Variants in PTCH1 observed in about 807,000 individuals in gnomAD.
PTCH1 encodes the protein patched 1, also known as protein patched homolog 1.
In PTCH1, 14 loss-of-function variants were observed where a neutral mutation model predicts 144.6. The observed-to-expected ratio is 0.10, with a 90% confidence interval of 0.06 to 0.15. The LOEUF is 0.15. Among genes scored for constraint, PTCH1 ranks in the 10% least tolerant of loss-of-function variants. PTCH1 has a pLI of 1.00. For synonymous variants in PTCH1, 833 were observed against 793.6 expected (o/e 1.05, Z -0.83); for missense variants, 1,623 against 1,948.3 (o/e 0.83, Z 3.14).
At chr9:95,478,651 T>C (rs185970025) in intron 8 of PTCH1, among the ~76,000 whole-genome samples, 19 of 152,204 alleles carry the variant, frequency 1.2e-4, no homozygotes, top group Non-Finnish European at 1.9e-4. Context: ...TCCTGTCACA[T>C]GACCTGACCA....
chr9:95,496,911 A>G (rs896930006), intron 2 of PTCH1, among the ~76,000 whole-genome samples: 1 of 151,914 alleles, frequency 6.6e-6, no homozygotes, highest in Non-Finnish European at 1.5e-5. Flanking sequence ...GTAAAGGAGC[A>G]GAGGAAATCA....
At chr9:95,506,896 G>A (rs894061131) in intron 1 of PTCH1, 13 of 1,128,478 alleles carry the variant, frequency 1.2e-5, no homozygotes, top group Non-Finnish European at 1.4e-5. Flanking sequence ...AGGAAGCCGA[G>A]GTAGAGAGGA....
chr9:95,450,613 G>A (rs1316730318), intron 20 of PTCH1: 1 of 154,274 alleles, frequency 6.5e-6, no homozygotes, highest in African/African-American at 2.4e-5. Context: ...CAAAGAAAAT[G>A]CTGCCCATTC....
intron 2 of PTCH1, among the ~76,000 whole-genome samples, chr9:95,504,882 T>A (rs189993996): frequency 6.6e-6 from 1 of 152,178 alleles, no homozygotes; most frequent in African/African-American, 2.4e-5. Flanking sequence ...TCTCTTATGG[T>A]GCTTAACACA....
chr9:95,457,949 G>T, intron 18 of PTCH1, 64 bp downstream of exon 18: 1 of 1,600,530 alleles, frequency 6.2e-7, no homozygotes, highest in Non-Finnish European at 8.6e-7. Context: ...AAAACTTCCC[G>T]GCTGCAGAAA....
intron 2 of PTCH1, among the ~76,000 whole-genome samples, chr9:95,491,245 T>A (rs925059558): frequency 6.6e-6 from 1 of 152,162 alleles, no homozygotes; most frequent in African/African-American, 2.4e-5. Context: ...TGCTCCTCCA[T>A]CAAGCTGGGG....
intron 8 of PTCH1, among the ~76,000 whole-genome samples, chr9:95,478,753 C>T (rs781705204): frequency 2.6e-4 from 40 of 152,124 alleles, no homozygotes; most frequent in Admixed American, 5.9e-4. Context: ...CTGTTATGTG[C>T]TTTAGTTCTG....
chr9:95,444,103 A>C lies in PTCH1; in HGVS notation c.*2290T>G, dbSNP rs941901121. On this transcript the variant is annotated 3_prime_UTR_variant, in exon 24 of 24. Coordinates refer to ENST00000331920, the MANE Select transcript of PTCH1 (RefSeq NM_000264.5). ...GATACAAAATTATAAATATCAGCAA[A>C]GTTTTTTTTTTTTTAAAAATTAAAA... 1 of 151,602 alleles carries C rather than the reference A, an allele frequency of 6.6e-6. No homozygotes were observed. The highest frequency in any genetic ancestry group is 6.6e-5 in the Admixed American group (1 of 15,246). 9.4% of individuals were successfully genotyped at this position (151,602 alleles called of 1,614,324 possible). A position where few individuals can be genotyped will look rare whatever the true frequency, so the allele number is the denominator to read the frequency against.
intron 2 of PTCH1, among the ~76,000 whole-genome samples, chr9:95,488,064 G>T (rs1341946117): frequency 6.6e-6 from 1 of 152,166 alleles, no homozygotes; most frequent in African/African-American, 2.4e-5. Context: ...CAAAGTTTGT[G>T]CTGCTAAGAA....
intron 2 of PTCH1, among the ~76,000 whole-genome samples, chr9:95,505,079 T>TA (rs1461241289): frequency 1.3e-5 from 2 of 152,230 alleles, no homozygotes; most frequent in African/African-American, 4.8e-5. Flanking sequence ...TGTTTTGTCT[T>TA]AATTATGTAG....
In PTCH1 at chr9:95,514,676, C is replaced by A. The variant is rs537184029; in HGVS notation, c.3+1793G>T. 4.0e-4 allele frequency among the ~76,000 whole-genome samples: 60 copies of A among 150,930 alleles called. No homozygotes were observed. The East Asian group carries it at 0.012, about 29-fold the overall frequency. ...AGAGAGAGAGGAATGAGGATAAAAA[C>A]GGGAGACATATTTTAATCCACATTG... is the stretch of plus-strand genomic sequence containing the variant. On this transcript the variant is annotated intron_variant, in intron 1 of 22. Coordinates refer to the PTCH1 transcript ENST00000430669.
In PTCH1 at chr9:95,485,717, C is replaced by A. The variant is rs369893129; in HGVS notation, c.552G>T (p.Gln184His). Residue 184 changes from glutamine to histidine, a missense_variant, in exon 3 of 24, where the codon CAG becomes CAT. Coordinates refer to ENST00000331920, the MANE Select transcript of PTCH1 (RefSeq NM_000264.5). ...ACATGTATACATGGACACGGCTGGC[C>A]TGGAGTGCCGAGTCCAGGTGTTGTA... ...ALLQHLDSAL[Q>H]ASRVHVYMYN... The A allele has an allele frequency of 1.2e-5, 19 of 1,614,034 alleles. No homozygotes were observed. Among genetic ancestry groups the A allele is most frequent in the Non-Finnish European group, 1.7e-6 (2 of 1,180,022 alleles).
chr9:95,454,754 T>C lies in PTCH1; in HGVS notation c.3307-1134A>G, dbSNP rs1838772062. On this transcript the variant is annotated intron_variant, in intron 19 of 23. Transcript: ENST00000331920. ...AGACATTCATGAAAGAAGACTCTTC[T>C]TCACAGCCTTATTCTACCATTTTAC... 7.2e-5 allele frequency among the ~76,000 whole-genome samples: 11 copies of C among 152,242 alleles called. No individual in the cohort carries two copies. In the South Asian group the frequency reaches 2.3e-3, roughly 31 times the overall value.
chr9:95,492,196 G>C (rs1044843988), intron 2 of PTCH1, among the ~76,000 whole-genome samples: 4 of 152,222 alleles, frequency 2.6e-5, no homozygotes, highest in African/African-American at 4.8e-5. Flanking sequence ...ACACAGCATT[G>C]CAGGTGGAGA....
At chr9:95,504,626 G>T (rs1354296942) in intron 2 of PTCH1, among the ~76,000 whole-genome samples, 1 of 152,026 alleles carries the variant, frequency 6.6e-6, no homozygotes, top group African/African-American at 2.4e-5. Flanking sequence ...TTCTGTCCTA[G>T]AATCTACGGC....
chr9:95,484,915 G>A (rs1841849355), intron 3 of PTCH1, among the ~76,000 whole-genome samples: 1 of 152,176 alleles, frequency 6.6e-6, no homozygotes, highest in Non-Finnish European at 1.5e-5. Context: ...TTTTAAAAAG[G>A]TGTCAGCGGG....
chr9:95,489,597 C>T (rs1475076244), intron 2 of PTCH1, among the ~76,000 whole-genome samples: 3 of 152,192 alleles, frequency 2.0e-5, no homozygotes, highest in Non-Finnish European at 4.4e-5. Flanking sequence ...AGTAATCCTC[C>T]TGCCTTGGCC....
At chr9:95,490,817 T>C (rs957650521) in intron 2 of PTCH1, among the ~76,000 whole-genome samples, 1 of 152,174 alleles carries the variant, frequency 6.6e-6, no homozygotes, top group African/African-American at 2.4e-5. Context: ...GTAGGGAGAC[T>C]ACAGTTAACA....
chr9:95,481,735 T>C (rs1024406326), intron 5 of PTCH1: 7 of 590,892 alleles, frequency 1.2e-5, no homozygotes, highest in African/African-American at 3.7e-5. Context: ...GTGAATGAAA[T>C]TTAATGACGC....
Sources: gnomAD v4.1 joint callset for allele counts (sites outside exome capture counted in the v4.1 genomes callset) on GRCh38, gnomAD v4.1.1 for gene constraint, MANE v1.5 for transcripts, NCBI Gene and HGNC (gene_info 2026-07-23, HGNC 2026-07-21) for gene names.